The following MORC2 variants were observed in gnomAD, a reference collection of about 807,000 sequenced individuals.
MORC2 encodes MORC family CW-type zinc finger 2, also known as ATPase MORC2.
MORC2 carries 30 observed loss-of-function variants against 136.0 expected under a neutral mutation model. The observed-to-expected ratio is 0.22, with a 90% CI of 0.17 to 0.30. The LOEUF (loss-of-function observed/expected upper bound fraction) is 0.30, where lower values mean the gene tolerates loss of function less well. MORC2 is among the 10% of genes least tolerant of loss of function. MORC2 has a pLI of 1.00. For synonymous variants in MORC2, 439 were observed against 487.0 expected (o/e 0.90, Z 1.30); for missense variants, 922 against 1,333.1 (o/e 0.69, Z 4.80).
intron 1 of MORC2, chr22:30,967,531 T>C: frequency 8.3e-7 from 1 of 1,199,128 alleles, no homozygotes; most frequent in Non-Finnish European, 1.0e-6. Flanking sequence ...ATTTGTTGGA[T>C]TCCTATAAAC....
At chr22:30,966,455 T>TAA (rs1442841619) in intron 1 of MORC2, among the ~76,000 whole-genome samples, 1 of 152,204 alleles carries the variant, frequency 6.6e-6, no homozygotes. Flanking sequence ...AGGGTCATCA[T>TAA]ACTTAAGTGT....
intron 5 of MORC2, among the ~76,000 whole-genome samples, chr22:30,947,350 A>G (rs1251917979): frequency 6.6e-6 from 1 of 152,248 alleles, no homozygotes; most frequent in Non-Finnish European, 1.5e-5. Flanking sequence ...AACGCAGGGC[A>G]GGGCAGAAGT....
chr22:30,960,470 G>A (rs2147313635), intron 1 of MORC2, among the ~76,000 whole-genome samples: 1 of 152,008 alleles, frequency 6.6e-6, no homozygotes, highest in South Asian at 2.1e-4. Flanking sequence ...ATACTACAGG[G>A]AAAAGACAGA....
At chr22:30,956,444 T>G (rs1273000865) in intron 3 of MORC2, among the ~76,000 whole-genome samples, 2 of 152,238 alleles carry the variant, frequency 1.3e-5, no homozygotes, top group Non-Finnish European at 2.9e-5. Context: ...CGTTCACCTA[T>G]TAACGCCTAC....
chr22:30,933,091 G>A (rs1301149656), intron 21 of MORC2, 61 bp from the exon 22 acceptor site: 9 of 1,599,664 alleles, frequency 5.6e-6, no homozygotes, highest in African/African-American at 2.7e-5. Context: ...ACTTGGCCTG[G>A]GCCACATCGA....
chr22:30,943,567 C>T (rs947060624), intron 6 of MORC2, among the ~76,000 whole-genome samples: 21 of 152,186 alleles, frequency 1.4e-4, no homozygotes, highest in African/African-American at 4.8e-4. Context: ...GTTATGAGGC[C>T]GCAGCCCTTG....
intron 11 of MORC2, 41 bp from the exon 12 acceptor site, chr22:30,939,747 G>C (rs1226726731): frequency 1.3e-6 from 2 of 1,572,706 alleles, no homozygotes; most frequent in Non-Finnish European, 1.7e-6. Flanking sequence ...TGGCACTCTA[G>C]GCCACAGCAG....
In MORC2 at chr22:30,945,001, C is replaced by T. The variant is rs139573833; in HGVS notation, c.426+1340G>A. ...AAGCCCCACACATTCATCAAGGCCC[C>T]GAGGTCAAGCCTAACCTGGCCCTCT... On this transcript the variant is annotated intron_variant, in intron 6 of 25. Coordinates refer to ENST00000397641, the MANE Select transcript of MORC2 (RefSeq NM_001303256.3). Among the ~76,000 whole-genome samples the T allele has an allele frequency of 9.9e-3, 1,512 of 152,302 alleles. 31 individuals are homozygous for T. The highest frequency in any genetic ancestry group is 0.035 in the African/African-American group (1,454 of 41,554).
In MORC2 at chr22:30,941,797, G is replaced by T; in HGVS notation, c.698+94C>A. On this transcript the variant is annotated intron_variant, in intron 8 of 25. Transcript: ENST00000397641. The surrounding 1 kb of genome is among the most constrained non-coding windows in gnomAD (Gnocchi z 4.6). The stretch of plus-strand genomic sequence containing the variant: ...ATACTACCCTACCACAGAACACTGG[G>T]CAATGAATGTGCTCTCCCCTCTTTC... The T allele has an allele frequency of 8.1e-7, 1 of 1,240,336 alleles. No individual in the cohort carries two copies. The highest frequency in any genetic ancestry group is 1.2e-6 in the Non-Finnish European group (1 of 858,274). 76.8% of individuals were successfully genotyped at this position (1,240,336 alleles called of 1,614,324 possible).
chr22:30,950,337 G>GGGGGGGC, intron 4 of MORC2, 40 bp downstream of exon 4: 1 of 761,764 alleles, frequency 1.3e-6, no homozygotes, highest in Non-Finnish European at 2.3e-6. Flanking sequence ...TGGTTACATC[G>GGGGGGGC]CACCCCCCCA....
Position 30,933,030 on chromosome 22 carries a change from T to C in MORC2, c.2381A>G (p.Asp794Gly). ...ACGCACCTCCACGTGCAGCCCTTTATCTGACAATGTAGACAGAGGTGCGAG... is the reference window on the plus strand; with the variant it reads ...ACGCACCTCCACGTGCAGCCCTTTACCTGACAATGTAGACAGAGGTGCGAG... ...DSADLKRAQK[D>G]KGLHVEVRVN... Residue 794 changes from aspartate to glycine, a missense_variant and splice_region_variant, in exon 22 of 26, where the codon GAT (aspartate) becomes GGT (glycine). Coordinates refer to ENST00000397641, the MANE Select transcript of MORC2 (RefSeq NM_001303256.3). 1 of 1,613,876 alleles carries C rather than the reference T, an allele frequency of 6.2e-7. No individual in the cohort carries two copies. The highest frequency in any genetic ancestry group is 2.2e-5 in the East Asian group (1 of 44,858).
In MORC2 at chr22:30,925,155, T is replaced by C. The variant is rs1231356188; in HGVS notation, c.*1648A>G. On this transcript the variant is annotated 3_prime_UTR_variant, in exon 26 of 26. Transcript: ENST00000397641. Reference sequence around the variant, plus strand: ...TTCAGGAGTCTCACCAGTAGAACTTTATAGTATTGCGTTTCGATTACATGT... The same window carrying C: ...TTCAGGAGTCTCACCAGTAGAACTTCATAGTATTGCGTTTCGATTACATGT... 5.8e-6 allele frequency: 2 copies of C among 342,114 alleles called. No individual in the cohort carries two copies. Among genetic ancestry groups the C allele is most frequent in the African/African-American group, 4.3e-5 (2 of 46,542 alleles). The allele number at this position is 342,114 out of a possible 1,614,324, so 21.2% of individuals were successfully genotyped here.
At chr22:30,933,762 C>CTTCAGGCCTGTG (rs1423573736) in intron 20 of MORC2, among the ~76,000 whole-genome samples, 1 of 152,204 alleles carries the variant, frequency 6.6e-6, no homozygotes, top group African/African-American at 2.4e-5. Flanking sequence ...TGATGTACGT[C>CTTCAGGCCTGTG]TGTGTGACTT....
rs2040465753 is a variant in MORC2 at position 30,925,196 on chromosome 22, A to G, written c.*1607T>C. On this transcript the variant is annotated 3_prime_UTR_variant, in exon 26 of 26. Coordinates refer to ENST00000397641, the MANE Select transcript of MORC2 (RefSeq NM_001303256.3). ...GATTACATGTGTGTGAATTTTAAAA[A>G]CTGATTACCCTCCAGTAAAAATGTG... 6.9e-6 allele frequency: 2 copies of G among 288,284 alleles called. No individual in the cohort carries two copies. The highest frequency in any genetic ancestry group is 6.4e-5 in the South Asian group (2 of 31,240). 17.9% of individuals were successfully genotyped at this position (288,284 alleles called of 1,614,324 possible). A position where few individuals can be genotyped will look rare whatever the true frequency, so the allele number is the denominator to read the frequency against.
chr22:30,941,883 A>G lies in MORC2; in HGVS notation c.698+8T>C, dbSNP rs952744055. The G allele has an allele frequency of 1.9e-6, 3 of 1,597,494 alleles. No individual in the cohort carries two copies. In the Admixed American group the frequency reaches 5.0e-5, roughly 27 times the overall value. On this transcript the variant is annotated splice_region_variant and intron_variant, in intron 8 of 25. Coordinates refer to ENST00000397641, the MANE Select transcript of MORC2 (RefSeq NM_001303256.3). This position sits in a 1 kb window ranked among gnomAD's most constrained non-coding sequence, Gnocchi z 4.6. ...CCAGGGCCTCCCTCCCTTCCCAGCC[A>G]CACTCACGTGCCCTCTGGGGACGTC...
intron 1 of MORC2, among the ~76,000 whole-genome samples, chr22:30,966,640 TGGTGGTGC>T (rs1166338786): frequency 1.3e-5 from 2 of 151,970 alleles, no homozygotes; most frequent in Admixed American, 6.6e-5. Flanking sequence ...TAGCTGGGCG[TGGTGGTGC>T]ATGCCTGTAG....
chr22:30,933,645 C>A, intron 20 of MORC2, 125 bp from the exon 21 acceptor site: 1 of 960,118 alleles, frequency 1.0e-6, no homozygotes, highest in Non-Finnish European at 1.6e-6. Context: ...TTTAAATCAC[C>A]AAGCCCCGTT....
chr22:30,959,418 T>C (rs1315060462), intron 1 of MORC2, among the ~76,000 whole-genome samples: 1 of 152,262 alleles, frequency 6.6e-6, no homozygotes, highest in African/African-American at 2.4e-5. Context: ...AATGAGTTAT[T>C]CTCTTTACCT....
At chr22:30,927,012 G>T in intron 25 of MORC2, 141 bp from the exon 26 acceptor site, 1 of 645,502 alleles carries the variant, frequency 1.5e-6, no homozygotes, top group Non-Finnish European at 2.7e-6. Flanking sequence ...TCAGGCTTCT[G>T]TCCTGTCTTA....
Sources: allele counts gnomAD v4.1 joint callset (sites outside exome capture counted in the v4.1 genomes callset), GRCh38; gene constraint gnomAD v4.1.1; non-coding constraint Gnocchi (gnomAD v3.1); transcripts MANE v1.5; gene names NCBI Gene and HGNC (gene_info 2026-07-23, HGNC 2026-07-21).